TOM1L2: variants seen among roughly 807,000 people sequenced by gnomAD.
The protein encoded by TOM1L2 is target of myb1 like 2 membrane trafficking protein.
TOM1L2 carries 31 observed loss-of-function variants against 67.9 expected under a neutral mutation model. That is an observed-to-expected ratio of 0.46 (90% CI 0.34 to 0.62). The LOEUF (loss-of-function observed/expected upper bound fraction) is 0.62. Ranked by LOEUF, TOM1L2 falls within the 20% of genes least tolerant of loss-of-function variation. The pLI is 0.01. For synonymous variants in TOM1L2, 256 were observed against 254.0 expected (o/e 1.01, Z -0.07); for missense variants, 606 against 663.5 (o/e 0.91, Z 0.95).
At chr17:17,959,614 A>C (rs1004493546) in intron 1 of TOM1L2, among the ~76,000 whole-genome samples, 1 of 152,098 alleles carries the variant, frequency 6.6e-6, no homozygotes, top group Non-Finnish European at 1.5e-5. Flanking sequence ...CTCAGGCCTC[A>C]TTTCCTATTT....
rs1375985422 is a variant in TOM1L2, at chr17:17,869,218, G to A, written c.911+122C>T. On this transcript the variant is annotated intron_variant, in intron 8 of 14. Transcript: ENST00000379504. Reference sequence around the variant, plus strand: ...GGGAACAAATTAGCATCTCTGATGAGTATTTTCCAACTCTAATCTCTCTCC... The same window carrying A: ...GGGAACAAATTAGCATCTCTGATGAATATTTTCCAACTCTAATCTCTCTCC... The A allele has an allele frequency of 3.3e-6, 5 of 1,525,214 alleles. No homozygotes were observed. In the African/African-American group the frequency reaches 4.2e-5, roughly 13 times the overall value. 94.5% of individuals were successfully genotyped at this position (1,525,214 alleles called of 1,614,324 possible). A position where few individuals can be genotyped will look rare whatever the true frequency, so the allele number is the denominator to read the frequency against.
chr17:17,873,665 C>T (rs1329654233), intron 7 of TOM1L2, among the ~76,000 whole-genome samples: 1 of 152,156 alleles, frequency 6.6e-6, no homozygotes, highest in African/African-American at 2.4e-5. Context: ...GAGCCCTAGC[C>T]CCAGCTGGGT....
At chr17:17,965,977 C>T (rs1272707661) in intron 1 of TOM1L2, among the ~76,000 whole-genome samples, 3 of 151,970 alleles carry the variant, frequency 2.0e-5, no homozygotes, top group African/African-American at 7.3e-5. Context: ...AAAAATTAGC[C>T]GGGCATGATG....
At chr17:17,920,039 AAAG>A (rs2039792194) in intron 1 of TOM1L2, among the ~76,000 whole-genome samples, 1 of 152,122 alleles carries the variant, frequency 6.6e-6, no homozygotes. Flanking sequence ...TCACAGAGGC[AAAG>A]AAGACCCTGG....
chr17:17,893,742 G>A lies in TOM1L2; in HGVS notation c.285C>T (p.Ile95=), dbSNP rs746685451. 9.9e-6 allele frequency: 16 copies of A among 1,613,998 alleles called. No homozygotes were observed. In the South Asian group the frequency reaches 1.5e-4, roughly 16 times the overall value. Residue 95 remains isoleucine (I), a synonymous_variant, in exon 4 of 15, where the codon ATC becomes ATT. Transcript: ENST00000379504. ...ATATAATTTTGACCAGAACACTGTC[G>A]ATGAAATCTCGGTTGGCCACAAGGA... ...FHILVANRDF[I]DSVLVKIISP...
chr17:17,877,033 T>C (rs1042951533), intron 7 of TOM1L2, among the ~76,000 whole-genome samples: 1 of 152,236 alleles, frequency 6.6e-6, no homozygotes, highest in Non-Finnish European at 1.5e-5. Context: ...CCTTCCTTCC[T>C]TCTCCTCAGG....
At chr17:17,854,877 C>T (rs112067578) in intron 12 of TOM1L2, among the ~76,000 whole-genome samples, 6 of 152,100 alleles carry the variant, frequency 3.9e-5, no homozygotes, top group Non-Finnish European at 8.8e-5. Flanking sequence ...ATGATCCAAG[C>T]TGAAGGCTGG....
chr17:17,847,819 G>A, intron 14 of TOM1L2, 36 bp from the exon 15 acceptor site: 1 of 1,613,254 alleles, frequency 6.2e-7, no homozygotes, highest in Non-Finnish European at 8.5e-7. Flanking sequence ...CAGGGTTGGT[G>A]AGGGCAGGCC....
intron 4 of TOM1L2, among the ~76,000 whole-genome samples, chr17:17,891,633 A>G (rs2038279438): frequency 6.6e-6 from 1 of 152,220 alleles, no homozygotes; most frequent in Admixed American, 6.5e-5. Flanking sequence ...TCGGGGTCAG[A>G]AAGCTCTACC....
intron 1 of TOM1L2, among the ~76,000 whole-genome samples, chr17:17,944,297 C>T (rs188938931): frequency 3.3e-5 from 5 of 152,378 alleles, no homozygotes; most frequent in African/African-American, 1.2e-4. Flanking sequence ...GAGCAGAGGG[C>T]TCCTTCCTGA....
chr17:17,895,177 A>G (rs373559844), intron 3 of TOM1L2, among the ~76,000 whole-genome samples: 4 of 151,980 alleles, frequency 2.6e-5, no homozygotes, highest in Non-Finnish European at 4.4e-5. Context: ...AGTGCTCTGA[A>G]CTTCCCAGCA....
intron 1 of TOM1L2, among the ~76,000 whole-genome samples, chr17:17,913,056 G>A (rs988727055): frequency 6.6e-6 from 1 of 151,874 alleles, no homozygotes; most frequent in African/African-American, 2.4e-5. Flanking sequence ...GCGTGGCAGC[G>A]GGTGCCTGCA....
chr17:17,942,843 G>GGA (rs746286022), intron 1 of TOM1L2, among the ~76,000 whole-genome samples: 12 of 152,172 alleles, frequency 7.9e-5, no homozygotes, highest in Non-Finnish European at 1.2e-4. Flanking sequence ...GACAGCCCTG[G>GGA]GATGGGCCAT....
At chr17:17,896,427 CTGCCCGCCAT>C (rs1297787592) in intron 3 of TOM1L2, among the ~76,000 whole-genome samples, 4 of 152,192 alleles carry the variant, frequency 2.6e-5, no homozygotes, top group Non-Finnish European at 4.4e-5. Flanking sequence ...GCAGGAACCA[CTGCCCGCCAT>C]TAGGGAATAC....
At chr17:17,852,757 G>A (rs1352777955) in intron 12 of TOM1L2, among the ~76,000 whole-genome samples, 1 of 151,482 alleles carries the variant, frequency 6.6e-6, no homozygotes, top group Non-Finnish European at 1.5e-5. Context: ...CCCAGCTACT[G>A]GGGAGGCTGA....
chr17:17,848,897 G>C (rs1156502924), intron 13 of TOM1L2, 38 bp from the exon 14 acceptor site: 2 of 1,612,144 alleles, frequency 1.2e-6, no homozygotes, highest in South Asian at 2.2e-5. Context: ...TAGGGCACTG[G>C]TCCAAGCACT....
chr17:17,960,848 A>T (rs1275004757), intron 1 of TOM1L2, among the ~76,000 whole-genome samples: 1 of 152,232 alleles, frequency 6.6e-6, no homozygotes, highest in Non-Finnish European at 1.5e-5. Flanking sequence ...TACTAATAGC[A>T]CCATCCTTAT....
At chr17:17,856,331 G>C (rs1449625339) in intron 12 of TOM1L2, among the ~76,000 whole-genome samples, 1 of 152,276 alleles carries the variant, frequency 6.6e-6, no homozygotes, top group Non-Finnish European at 1.5e-5. Flanking sequence ...ATGGGCTTGG[G>C]GTCTAGTGGA....
intron 12 of TOM1L2, among the ~76,000 whole-genome samples, chr17:17,854,604 G>A (rs1045132958): frequency 2.6e-5 from 4 of 151,864 alleles, no homozygotes; most frequent in East Asian, 1.9e-4. Context: ...AGCTCACTGC[G>A]ACCTCTGCTT....
Sources: gnomAD v4.1 joint callset for allele counts (sites outside exome capture counted in the v4.1 genomes callset) on GRCh38, gnomAD v4.1.1 for gene constraint, MANE v1.5 for transcripts, NCBI Gene and HGNC (gene_info 2026-07-23, HGNC 2026-07-21) for gene names.